IGSF6: variants seen among roughly 807,000 people sequenced by gnomAD.
IGSF6 encodes immunoglobulin superfamily member 6.
In IGSF6, 23 loss-of-function variants were observed where a neutral mutation model predicts 24.7. That is an observed-to-expected ratio of 0.93 (90% CI 0.67 to 1.32). IGSF6 has a LOEUF of 1.32. Among genes scored for constraint, IGSF6 ranks in the 40% most tolerant of loss-of-function variants. The probability of loss-of-function intolerance (pLI) is 0.00; values close to 1 mark genes in which losing one functional copy is unlikely to be tolerated. For missense variants in IGSF6, 295 were observed against 293.6 expected, an observed-to-expected ratio of 1.00 and a Z score of -0.04; for synonymous variants, 110 against 113.7, an observed-to-expected ratio of 0.97 and a Z score of 0.21.
Position 21,647,349 on chromosome 16 carries a change from C to G in IGSF6, c.211G>C (p.Gly71Arg). ...CACAGGTTCTCAGGCTGGTGAGCAC[C>G]GTAGCGAAACCACAGGCATGTTGGT... ...EQPTCLWFRY[G>R]AHQPENLCLD... Residue 71 changes from glycine (G) to arginine (R), a missense_variant, in exon 2 of 6, where the codon GGT becomes CGT. Physicochemically the swap from Gly to Arg is moderately radical, Grantham distance 125. Transcript: ENST00000268389. The G allele has an allele frequency of 6.2e-7, 1 of 1,614,182 alleles. No homozygotes were observed.
Position 21,641,413 on chromosome 16 carries a change from A to T in IGSF6, c.*121T>A. 1 of 490,700 alleles carries T rather than the reference A, an allele frequency of 2.0e-6. No homozygotes were observed. Among genetic ancestry groups the T allele is most frequent in the Non-Finnish European group, 3.6e-6 (1 of 275,344 alleles). The allele number at this position is 490,700 out of a possible 1,614,324, so 30.4% of individuals were successfully genotyped here. A position where few individuals can be genotyped will look rare whatever the true frequency, so the allele number is the denominator to read the frequency against. On this transcript the variant is annotated 3_prime_UTR_variant, in exon 6 of 6. Coordinates refer to ENST00000268389, the MANE Select transcript of IGSF6 (RefSeq NM_005849.4). Reference sequence around the variant, plus strand: ...CTTACATTCTGACATCCTTCTTTGTAGCCAGTTGTCTTTTCAGTTTACCTT... The same window carrying T: ...CTTACATTCTGACATCCTTCTTTGTTGCCAGTTGTCTTTTCAGTTTACCTT...
At chr16:21,643,009 A>T in intron 5 of IGSF6, 65 bp downstream of exon 5, 1 of 1,042,568 alleles carries the variant, frequency 9.6e-7, no homozygotes. Flanking sequence ...GCTCCTTGGC[A>T]GCTTAGTTTT....
Position 21,644,327 on chromosome 16 carries a change from A to G in IGSF6, c.497T>C (p.Val166Ala), listed in dbSNP as rs768406130. The change falls in exon 3 of 6, where the codon GTG becomes GCG. Residue 166 changes from valine to alanine, a missense_variant. Val to Ala is a moderately conservative substitution (Grantham distance 64). Coordinates refer to ENST00000268389, the MANE Select transcript of IGSF6 (RefSeq NM_005849.4). ...TALVSLLSVY[V>A]TGVCVAFILL... ...TATGAAGGCCACGCACACACCGGTC[A>G]CATAGACAGAGAGCAGTGATACAAG... 7 of 1,614,004 alleles carry G rather than the reference A, an allele frequency of 4.3e-6. No individual in the cohort carries two copies. In the Admixed American group the frequency reaches 8.3e-5, roughly 19 times the overall value.
At chr16:21,644,635 T>C (rs1176146839) in intron 2 of IGSF6, among the ~76,000 whole-genome samples, 1 of 152,204 alleles carries the variant, frequency 6.6e-6, no homozygotes, top group Non-Finnish European at 1.5e-5. Context: ...TTAAAAAAAT[T>C]CAACCAACCA....
At position 21,639,660 on chromosome 16, in the gene IGSF6, T is replaced by C. The variant is rs1966195489; in HGVS notation, c.*1874A>G. 6.6e-6 allele frequency: 1 copy of C among 152,206 alleles called. No homozygotes were observed. Among genetic ancestry groups the C allele is most frequent in the Admixed American group, 6.5e-5 (1 of 15,282 alleles). The allele number at this position is 152,206 out of a possible 1,614,324, so 9.4% of individuals were successfully genotyped here. On this transcript the variant is annotated 3_prime_UTR_variant, in exon 6 of 6. Transcript: ENST00000268389. ...AGGTACAAAGGTACATTTTCATGCA[T>C]ATACCGTATACAAAACACATGTGGC... is the stretch of plus-strand genomic sequence containing the variant.
chr16:21,652,469 C>A (rs1966601743), intron 1 of IGSF6, 63 bp downstream of exon 1: 1 of 1,254,994 alleles, frequency 8.0e-7, no homozygotes. Context: ...AATATAAATG[C>A]ATTAGGTGAA....
At chr16:21,642,961 CT>C (rs1250320421) in intron 5 of IGSF6, 112 bp downstream of exon 5, 2 of 663,864 alleles carry the variant, frequency 3.0e-6, no homozygotes, top group Non-Finnish European at 5.3e-6. Flanking sequence ...TGAAAGTTCT[CT>C]TTCAGACTCT....
At chr16:21,646,759 G>C (rs372069211) in intron 2 of IGSF6, 17 of 311,222 alleles carry the variant, frequency 5.5e-5, no homozygotes, top group African/African-American at 3.7e-4. Flanking sequence ...GGTTACAAGC[G>C]ATTCTCCTGC....
At chr16:21,643,247 C>T (rs1230188743) in intron 4 of IGSF6, 93 bp from the exon 5 acceptor site, 43 of 943,020 alleles carry the variant, frequency 4.6e-5, no homozygotes, top group Non-Finnish European at 6.4e-5. Flanking sequence ...CTATTGCCAC[C>T]GGTCCCAAAA....
At chr16:21,646,978 A>C in intron 2 of IGSF6, 155 bp downstream of exon 2, 1 of 1,009,490 alleles carries the variant, frequency 9.9e-7, no homozygotes, top group South Asian at 1.3e-5. Context: ...TTTAGTCCAA[A>C]CCTCATGGTG....
rs1451434837 is a variant in IGSF6 at position 21,652,534 on chromosome 16, A to G, written c.65T>C (p.Val22Ala). 6.2e-7 allele frequency: 1 copy of G among 1,610,246 alleles called. No homozygotes were observed. The highest frequency in any genetic ancestry group is 8.5e-7 in the Non-Finnish European group (1 of 1,178,018). The stretch of plus-strand genomic sequence containing the variant: ...GAGGAGAAGAAAAAGAACCTTACCG[A>G]CACAAAATAGAATGAGATTGGTTTG... ...HLQTNLILFC[V>A]GAVGACTLSV... Residue 22 changes from valine to alanine, a missense_variant and splice_region_variant, in exon 1 of 6, where the codon GTC (valine) becomes GCC (alanine). Transcript: ENST00000268389.
intron 3 of IGSF6, among the ~76,000 whole-genome samples, chr16:21,643,901 T>A (rs1027436763): frequency 1.3e-5 from 2 of 152,326 alleles, no homozygotes; most frequent in African/African-American, 4.8e-5. Flanking sequence ...AAGGCGGCTT[T>A]TAGTTTCTTC....
At chr16:21,651,427 TG>T (rs1258703799) in intron 1 of IGSF6, among the ~76,000 whole-genome samples, 1 of 151,990 alleles carries the variant, frequency 6.6e-6, no homozygotes, top group Non-Finnish European at 1.5e-5. Context: ...CCCAGGTGGG[TG>T]GGACTGCAGG....
intron 1 of IGSF6, 162 bp downstream of exon 1, chr16:21,652,370 T>C: frequency 2.0e-6 from 1 of 493,008 alleles, no homozygotes; most frequent in Non-Finnish European, 3.5e-6. Context: ...ATTTTTTTAT[T>C]GTCTATTTCT....
intron 2 of IGSF6, chr16:21,646,236 A>G (rs1301866137): frequency 6.6e-6 from 1 of 151,582 alleles, no homozygotes; most frequent in Non-Finnish European, 1.5e-5. Context: ...GGATTTAGCT[A>G]TGTTTGATGT....
Position 21,644,411 on chromosome 16 carries a change from C to G in IGSF6, c.428-15G>C. On this transcript the variant is annotated splice_polypyrimidine_tract_variant and intron_variant, in intron 2 of 5. Coordinates refer to ENST00000268389, the MANE Select transcript of IGSF6 (RefSeq NM_005849.4). ...CAGCTTAATTTCTTAATGACAAAAA[C>G]AGAAAGAAGCACATTGACTATTAAA... The G allele has an allele frequency of 6.5e-7, 1 of 1,546,416 alleles. No individual in the cohort carries two copies. Among genetic ancestry groups the G allele is most frequent in the Non-Finnish European group, 8.9e-7 (1 of 1,118,892 alleles).
In IGSF6 at chr16:21,643,083, AT is replaced by A; in HGVS notation, c.656del (p.Asn219IlefsTer72). On this transcript the variant is annotated frameshift_variant, in exon 5 of 6. Transcript: ENST00000268389. LOFTEE classifies it high-confidence loss of function. ...ELYHKRHVET[N>X]QQSEKDNNTY... is the part of the protein sequence containing the mutation. ...GACATTTTACACTTACAGATTGCTG[AT>A]TTGTTTCCACATGTCTCTTATGGTA... 6.2e-7 allele frequency: 1 copy of A among 1,602,586 alleles called. No individual in the cohort carries two copies. The highest frequency in any genetic ancestry group is 8.5e-7 in the Non-Finnish European group (1 of 1,172,332).
intron 1 of IGSF6, among the ~76,000 whole-genome samples, chr16:21,649,027 G>A (rs939657073): frequency 6.6e-6 from 1 of 152,054 alleles, no homozygotes; most frequent in Non-Finnish European, 1.5e-5. Flanking sequence ...CAGAGTCTCT[G>A]TCTCCCAGGC....
rs763582744 is a variant in IGSF6, at chr16:21,647,402, A to G, written c.158T>C (p.Phe53Ser). 4.0e-5 allele frequency: 65 copies of G among 1,613,952 alleles called. No homozygotes were observed. In the South Asian group the frequency reaches 6.9e-4, roughly 17 times the overall value. Residue 53 changes from phenylalanine (F) to serine (S), a missense_variant, in exon 2 of 6, where the codon TTC (phenylalanine) becomes TCC (serine). Coordinates refer to ENST00000268389, the MANE Select transcript of IGSF6 (RefSeq NM_005849.4). The stretch of plus-strand genomic sequence containing the variant: ...CTCAGAAGGGCATCCGGTTGCGGAG[A>G]AGGTACACTTTATGGTGACGGCCTC... ...THEAVTIKCT[F>S]SATGCPSEQP...
Sources: gnomAD v4.1 joint callset for allele counts (sites outside exome capture counted in the v4.1 genomes callset) on GRCh38, gnomAD v4.1.1 for gene constraint, MANE v1.5 for transcripts, NCBI Gene and HGNC (gene_info 2026-07-23, HGNC 2026-07-21) for gene names.